Variants in LINGO2 observed in about 807,000 individuals in gnomAD.
LINGO2 encodes the protein leucine rich repeat and Ig domain containing 2.
LINGO2 carries 14 observed loss-of-function variants against 30.6 expected under a neutral mutation model. The ratio of observed to expected loss-of-function variants is 0.46; its 90% CI spans 0.30 to 0.72. LINGO2 has a LOEUF of 0.72. Ranked by LOEUF, LINGO2 falls within the 30% of genes least tolerant of loss-of-function variation. The pLI is 0.07. For missense variants in LINGO2, 729 were observed against 751.7 expected, an observed-to-expected ratio of 0.97 and a Z score of 0.35; for synonymous variants, 317 against 288.5, an observed-to-expected ratio of 1.10 and a Z score of -1.00.
intron 1 of LINGO2, among the ~76,000 whole-genome samples, chr9:28,637,840 C>G (rs1360307312): frequency 6.6e-6 from 1 of 152,136 alleles, no homozygotes. Context: ...TTGCCCTGGC[C>G]AGAACTTCCA....
the LINGO2 span, among the ~76,000 whole-genome samples, chr9:28,744,609 C>CGTGTGTGTGTGTGTGTGTGTGT: frequency 0.025 from 3,311 of 133,912 alleles, 105 homozygotes; most frequent in Admixed American, 0.064. Context: ...ATATTCCCCT[C>CGTGTGTGTGTGTGTGTGTGTGT]GTGTGTGTGT....
At chr9:28,482,468 GT>G (rs1490935926) in intron 1 of LINGO2, among the ~76,000 whole-genome samples, 1 of 151,984 alleles carries the variant, frequency 6.6e-6, no homozygotes, top group Non-Finnish European at 1.5e-5. Context: ...TTTTGATGGG[GT>G]TGTTTGTTTT....
At chr9:29,148,051 C>T in the LINGO2 span, among the ~76,000 whole-genome samples, 3 of 152,016 alleles carry the variant, frequency 2.0e-5, no homozygotes, top group South Asian at 2.1e-4. Flanking sequence ...ATGATGTTTA[C>T]AGTGCATTTA....
chr9:28,885,004 AT>A, the LINGO2 span, among the ~76,000 whole-genome samples: 3 of 85,630 alleles, frequency 3.5e-5, no homozygotes, highest in Admixed American at 2.5e-4. Flanking sequence ...TATTATATAT[AT>A]ATATATATAT....
At position 28,013,999 on chromosome 9, in the gene LINGO2, T is replaced by G. The variant is rs10968282; in HGVS notation, c.-86-1594A>C. ...AGGTGAAGAAGTACATGCTCTGGTA[T>G]TTTTGCAGTGAAGTTCTTCAGGCCC... is the stretch of plus-strand genomic sequence containing the variant. On this transcript the variant is annotated intron_variant, in intron 4 of 5. Coordinates refer to ENST00000379992, the Ensembl canonical transcript of LINGO2. Among the ~76,000 whole-genome samples, 2,277 of 152,272 alleles carry G rather than the reference T, an allele frequency of 0.015. 242 individuals carry two copies. The East Asian group carries it at 0.29, about 19-fold the overall frequency.
chr9:28,231,192 G>T (rs1340443246), intron 4 of LINGO2, among the ~76,000 whole-genome samples: 1 of 151,658 alleles, frequency 6.6e-6, no homozygotes, highest in Non-Finnish European at 1.5e-5. Flanking sequence ...TATGAACAAA[G>T]AAAAATGGTA....
the LINGO2 span, among the ~76,000 whole-genome samples, chr9:29,172,650 C>A: frequency 6.6e-6 from 1 of 151,818 alleles, no homozygotes; most frequent in Non-Finnish European, 1.5e-5. Context: ...GCCACTGATT[C>A]TAATTCAATT....
At chr9:29,178,266 G>A in the LINGO2 span, among the ~76,000 whole-genome samples, 2 of 151,952 alleles carry the variant, frequency 1.3e-5, no homozygotes, top group Non-Finnish European at 2.9e-5. Flanking sequence ...ATGTTGGGCA[G>A]AGTGGCCTCG....
At chr9:28,982,241 CT>C in the LINGO2 span, among the ~76,000 whole-genome samples, 1 of 152,058 alleles carries the variant, frequency 6.6e-6, no homozygotes, top group Non-Finnish European at 1.5e-5. Flanking sequence ...GCATTGTAAA[CT>C]TTAGCAACTA....
intron 4 of LINGO2, among the ~76,000 whole-genome samples, chr9:28,083,255 G>A (rs1410419019): frequency 6.6e-6 from 1 of 152,204 alleles, no homozygotes; most frequent in African/African-American, 2.4e-5. Context: ...GTAGGGCTCT[G>A]TCATTCCTGG....
intron 4 of LINGO2, among the ~76,000 whole-genome samples, chr9:28,014,537 A>G (rs558080614): frequency 6.6e-6 from 1 of 152,288 alleles, no homozygotes; most frequent in South Asian, 2.1e-4. Flanking sequence ...CTGATACACT[A>G]GATAAATTTT....
At chr9:29,124,472 G>C in the LINGO2 span, among the ~76,000 whole-genome samples, 2 of 152,192 alleles carry the variant, frequency 1.3e-5, no homozygotes, top group South Asian at 4.1e-4. Context: ...AGAGTGAACA[G>C]GCAACCTACA....
At chr9:29,213,064 G>T in the LINGO2 span, among the ~76,000 whole-genome samples, 1 of 152,102 alleles carries the variant, frequency 6.6e-6, no homozygotes, top group Non-Finnish European at 1.5e-5. Flanking sequence ...AGGGGATGGC[G>T]GTTCAAAAGC....
At chr9:28,012,745 C>T (rs1822623579) in intron 4 of LINGO2, among the ~76,000 whole-genome samples, 2 of 152,140 alleles carry the variant, frequency 1.3e-5, no homozygotes, top group South Asian at 4.2e-4. Flanking sequence ...CTCATAGCTG[C>T]CACCTCCCTG....
At chr9:27,998,581 C>T (rs772480108) in intron 5 of LINGO2, among the ~76,000 whole-genome samples, 12 of 152,176 alleles carry the variant, frequency 7.9e-5, no homozygotes, top group Admixed American at 2.0e-4. Context: ...GAATTCGAGA[C>T]CAGCCTGGCC....
chr9:28,754,017 A>AACACACACACACACACACACACAC, the LINGO2 span, among the ~76,000 whole-genome samples: 1 of 146,024 alleles, frequency 6.8e-6, no homozygotes, highest in Non-Finnish European at 1.5e-5. Flanking sequence ...CACACACACA[A>AACACACACACACACACACACACAC]ACACACACAC....
chr9:28,995,558 G>T, the LINGO2 span, among the ~76,000 whole-genome samples: 1 of 152,010 alleles, frequency 6.6e-6, no homozygotes, highest in Non-Finnish European at 1.5e-5. Flanking sequence ...CTGCTGTAAA[G>T]ACACATGCGC....
chr9:28,187,848 T>A (rs747188345), intron 4 of LINGO2, among the ~76,000 whole-genome samples: 1 of 152,170 alleles, frequency 6.6e-6, no homozygotes, highest in Non-Finnish European at 1.5e-5. Context: ...TAAACTTCTA[T>A]GATTTAATTG....
chr9:28,549,545 A>G (rs1822159089), intron 1 of LINGO2, among the ~76,000 whole-genome samples: 1 of 151,994 alleles, frequency 6.6e-6, no homozygotes, highest in African/African-American at 2.4e-5. Flanking sequence ...TTTTCTCCAG[A>G]ATAGTTGTAC....
Sources: gnomAD v4.1 joint callset for allele counts (sites outside exome capture counted in the v4.1 genomes callset) on GRCh38, gnomAD v4.1.1 for gene constraint, MANE v1.5 for transcripts, NCBI Gene and HGNC (gene_info 2026-07-23, HGNC 2026-07-21) for gene names.